The following SLC16A7 variants were observed in gnomAD, a reference collection of about 807,000 sequenced individuals.
The protein encoded by SLC16A7 is monocarboxylate transporter 2.
Under a neutral mutation model 34.9 loss-of-function variants are expected in SLC16A7, and 33 were observed. The observed-to-expected ratio is 0.94, with a 90% CI of 0.72 to 1.26. SLC16A7 has a LOEUF of 1.26. Among genes scored for constraint, SLC16A7 ranks in the 50% most tolerant of loss-of-function variants. The pLI is 0.00. For missense variants in SLC16A7, 573 were observed against 578.1 expected (o/e 0.99, Z 0.09); for synonymous variants, 201 against 206.6 (o/e 0.97, Z 0.23).
intron 2 of SLC16A7, among the ~76,000 whole-genome samples, chr12:59,683,042 G>A (rs1438255558): frequency 6.6e-6 from 1 of 151,722 alleles, no homozygotes; most frequent in African/African-American, 2.4e-5. Context: ...CTCTAGCCTG[G>A]GCAACAAGAG....
chr12:59,698,465 A>C (rs1448825826), intron 2 of SLC16A7, among the ~76,000 whole-genome samples: 1 of 151,806 alleles, frequency 6.6e-6, no homozygotes. Flanking sequence ...TTTGAAATGA[A>C]GATGTCTTAC....
chr12:59,775,331 T>G lies in SLC16A7; in HGVS notation c.1036T>G (p.Phe346Val), dbSNP rs149587895. 2,480 of 1,614,018 alleles carry G rather than the reference T, an allele frequency of 1.5e-3. 29 individuals are homozygous for G. In the South Asian group the frequency reaches 0.019, roughly 12 times the overall value. ...DYTSLVLYAV[F>V]FGLGFGSVSS... ...CACAAGCCTGGTATTATATGCTGTA[T>G]TTTTTGGCCTTGGATTTGGGAGTGT... Residue 346 changes from phenylalanine (F) to valine (V), a missense_variant, in exon 5 of 6, where the codon TTT becomes GTT. Coordinates refer to ENST00000547379, the MANE Select transcript of SLC16A7 (RefSeq NM_001270623.2).
At chr12:59,764,293 C>A (rs1881312548) in intron 3 of SLC16A7, among the ~76,000 whole-genome samples, 1 of 152,106 alleles carries the variant, frequency 6.6e-6, no homozygotes, top group African/African-American at 2.4e-5. Flanking sequence ...AAGGAATCTG[C>A]AGAAGAGAAG....
intron 3 of SLC16A7, among the ~76,000 whole-genome samples, chr12:59,714,844 C>A (rs1370120438): frequency 1.3e-5 from 2 of 152,156 alleles, no homozygotes; most frequent in South Asian, 4.1e-4. Context: ...GGATTACAGG[C>A]ATGAGCCAAC....
At chr12:59,768,248 C>T in intron 3 of SLC16A7, 1 of 453,450 alleles carries the variant, frequency 2.2e-6, no homozygotes, top group Non-Finnish European at 4.4e-6. Context: ...GTCAAAATAC[C>T]AACATTAACA....
rs1484896898 is a variant in SLC16A7, at chr12:59,786,201, A to G, written c.*6522A>G. 6.6e-6 allele frequency: 1 copy of G among 151,250 alleles called. No homozygotes were observed. The highest frequency in any genetic ancestry group is 1.5e-5 in the Non-Finnish European group (1 of 67,774). 9.4% of individuals were successfully genotyped at this position (151,250 alleles called of 1,614,324 possible). A position where few individuals can be genotyped will look rare whatever the true frequency, so the allele number is the denominator to read the frequency against. ...AAAGTATAATAATAATAAATAAAAT[A>G]AAATAAAATAATAAAAATAAAAATA... On this transcript the variant is annotated 3_prime_UTR_variant, in exon 6 of 6. Coordinates refer to ENST00000547379, the MANE Select transcript of SLC16A7 (RefSeq NM_001270623.2).
At chr12:59,618,809 T>C (rs1485592739) in intron 1 of SLC16A7, among the ~76,000 whole-genome samples, 1 of 152,022 alleles carries the variant, frequency 6.6e-6, no homozygotes, top group Non-Finnish European at 1.5e-5. Flanking sequence ...TCACTTTTTT[T>C]CTGAATTTTG....
intron 3 of SLC16A7, among the ~76,000 whole-genome samples, chr12:59,741,785 A>G (rs1027513895): frequency 2.6e-5 from 4 of 152,158 alleles, no homozygotes; most frequent in Non-Finnish European, 5.9e-5. Flanking sequence ...TGTGTGTTCA[A>G]TGTTCACTTT....
intron 1 of SLC16A7, among the ~76,000 whole-genome samples, chr12:59,653,728 T>C (rs895231208): frequency 6.6e-6 from 1 of 151,722 alleles, no homozygotes; most frequent in African/African-American, 2.4e-5. Context: ...ATTTACAAAG[T>C]AAACAATTGA....
In SLC16A7 at chr12:59,651,090, C is replaced by T. The variant is rs1257490784; in HGVS notation, c.-129-4062C>T. 3.3e-5 allele frequency among the ~76,000 whole-genome samples: 5 copies of T among 152,222 alleles called. No homozygotes were observed. The South Asian group carries it at 8.3e-4, about 25-fold the overall frequency. On this transcript the variant is annotated intron_variant, in intron 1 of 5. Transcript: ENST00000547379. ...GCATGGCAACATTCCAAGACAAGCT[C>T]GGTACAATTTGCCTTTGCAGTGTGT...
At chr12:59,620,017 G>C (rs187610663) in intron 1 of SLC16A7, among the ~76,000 whole-genome samples, 98 of 152,036 alleles carry the variant, frequency 6.4e-4, no homozygotes, top group African/African-American at 2.3e-3. Context: ...TCTAACCCCA[G>C]ATTCCACACG....
intron 2 of SLC16A7, among the ~76,000 whole-genome samples, chr12:59,691,529 T>C (rs1429126931): frequency 6.6e-6 from 1 of 152,066 alleles, no homozygotes; most frequent in Non-Finnish European, 1.5e-5. Flanking sequence ...GGGGCTGGGC[T>C]GACTGAAGTC....
intron 1 of SLC16A7, among the ~76,000 whole-genome samples, chr12:59,643,823 A>G (rs1294084198): frequency 6.6e-6 from 1 of 152,178 alleles, no homozygotes; most frequent in East Asian, 1.9e-4. Flanking sequence ...CTTGAAGAAA[A>G]TCGTGGTGTT....
In SLC16A7 at chr12:59,642,310, T is replaced by C. The variant is rs1427033777; in HGVS notation, c.-129-12842T>C. 3.3e-5 allele frequency among the ~76,000 whole-genome samples: 5 copies of C among 152,068 alleles called. 1 individual carries two copies. The South Asian group carries it at 6.2e-4, about 19-fold the overall frequency. On this transcript the variant is annotated intron_variant, in intron 1 of 5. Transcript: ENST00000547379. ...AAGAATTATTCTAACCATTCTTTTT[T>C]TCTGGAACCTATTTCTGCCCTTCAT...
intron 1 of SLC16A7, among the ~76,000 whole-genome samples, chr12:59,652,910 G>A (rs1868368743): frequency 1.3e-5 from 2 of 151,748 alleles, no homozygotes; most frequent in African/African-American, 4.8e-5. Flanking sequence ...TTTGTACAAG[G>A]TGAAGGTTAC....
chr12:59,716,096 C>A (rs1338229298), intron 3 of SLC16A7, among the ~76,000 whole-genome samples: 2 of 152,124 alleles, frequency 1.3e-5, no homozygotes, highest in Non-Finnish European at 2.9e-5. Flanking sequence ...TCTGTGGAAG[C>A]TTTGATGGAT....
intron 2 of SLC16A7, among the ~76,000 whole-genome samples, chr12:59,671,965 GTATATATCCATATATCCGTATA>G (rs1869825429): frequency 2.0e-4 from 1 of 4,916 alleles, no homozygotes; most frequent in East Asian, 2.2e-3. Flanking sequence ...GTATATATGT[GTATATATCCATATATCCGTATA>G]TATATGTGTA....
At chr12:59,686,828 C>A (rs1871197788) in intron 2 of SLC16A7, among the ~76,000 whole-genome samples, 1 of 151,822 alleles carries the variant, frequency 6.6e-6, no homozygotes, top group Non-Finnish European at 1.5e-5. Context: ...AGATGCTAAG[C>A]AAAATTTCTG....
In SLC16A7 at chr12:59,697,358, A is replaced by G. The variant is rs144171258; in HGVS notation, c.-30-7414A>G. ...TGGGGATATGATTGATACTTAGAGGAGGATATGTAGTTGTGTGTATGCATG... is the reference window on the plus strand; with the variant it reads ...TGGGGATATGATTGATACTTAGAGGGGGATATGTAGTTGTGTGTATGCATG... On this transcript the variant is annotated intron_variant, in intron 2 of 5. Transcript: ENST00000547379. Among the ~76,000 whole-genome samples, 214 of 152,086 alleles carry G rather than the reference A, an allele frequency of 1.4e-3. 1 individual carries two copies. The highest frequency in any genetic ancestry group is 6.8e-3 in the Middle Eastern group (2 of 294).
Sources: gnomAD v4.1 joint callset for allele counts (sites outside exome capture counted in the v4.1 genomes callset) on GRCh38, gnomAD v4.1.1 for gene constraint, MANE v1.5 for transcripts, NCBI Gene and HGNC (gene_info 2026-07-23, HGNC 2026-07-21) for gene names.